The following CHFR variants were observed in gnomAD, a reference collection of about 807,000 sequenced individuals.
CHFR encodes checkpoint with forkhead and ring finger domains.
Under a neutral mutation model 87.6 loss-of-function variants are expected in CHFR, and 57 were observed. The observed-to-expected ratio is 0.65, with a 90% CI of 0.53 to 0.81. The LOEUF (loss-of-function observed/expected upper bound fraction) is 0.81, where lower values mean the gene tolerates loss of function less well. CHFR is among the 30% of genes least tolerant of loss of function. CHFR has a pLI of 0.00. For synonymous variants in CHFR, 381 were observed against 359.2 expected, an observed-to-expected ratio of 1.06 and a Z score of -0.69; for missense variants, 797 against 865.8, an observed-to-expected ratio of 0.92 and a Z score of 1.00.
chr12:132,841,712 G>C, intron 17 of CHFR, 116 bp from the exon 18 acceptor site: 1 of 836,084 alleles, frequency 1.2e-6, no homozygotes, highest in Non-Finnish European at 2.1e-6. Flanking sequence ...ACCATACACA[G>C]AAAGAGCTAC....
intron 6 of CHFR, among the ~76,000 whole-genome samples, chr12:132,864,186 A>AC (rs1951279838): frequency 6.6e-6 from 1 of 151,954 alleles, no homozygotes; most frequent in South Asian, 2.1e-4. Context: ...GAAAAAAAAA[A>AC]ACACAAGAAA....
At chr12:132,860,677 C>T (rs577852758) in intron 7 of CHFR, among the ~76,000 whole-genome samples, 1 of 152,342 alleles carries the variant, frequency 6.6e-6, no homozygotes, top group South Asian at 2.1e-4. Context: ...AGACTTCTCC[C>T]TAAATCATCT....
Position 132,843,087 on chromosome 12 carries a change from G to T in CHFR, c.1844-4C>A. On this transcript the variant is annotated splice_polypyrimidine_tract_variant and splice_region_variant and intron_variant, in intron 16 of 17. Transcript: ENST00000450056. ...TCAGGACGGGATGTTACGGCCACTG[G>T]AAAAAGAGAAGGGGTACGCATCTAT... The T allele has an allele frequency of 6.2e-7, 1 of 1,612,286 alleles. No homozygotes were observed. The highest frequency in any genetic ancestry group is 8.5e-7 in the Non-Finnish European group (1 of 1,179,310).
intron 12 of CHFR, among the ~76,000 whole-genome samples, chr12:132,851,232 C>T (rs571537852): frequency 3.9e-5 from 6 of 152,178 alleles, no homozygotes; most frequent in Middle Eastern, 3.4e-3. Flanking sequence ...CACAGAAGAT[C>T]CACCTACCTT....
chr12:132,863,429 C>G (rs1045175079), intron 6 of CHFR, among the ~76,000 whole-genome samples: 1 of 151,918 alleles, frequency 6.6e-6, no homozygotes, highest in Non-Finnish European at 1.5e-5. Flanking sequence ...CTGCTTGAAC[C>G]CAGGAGGCGG....
At chr12:132,885,133 G>A (rs1951857801) in intron 2 of CHFR, among the ~76,000 whole-genome samples, 1 of 150,964 alleles carries the variant, frequency 6.6e-6, no homozygotes, top group African/African-American at 2.4e-5. Context: ...TTTCTGGCCG[G>A]GCGCGATAGC....
chr12:132,884,320 G>A (rs1348223527), intron 2 of CHFR, among the ~76,000 whole-genome samples: 1 of 151,466 alleles, frequency 6.6e-6, no homozygotes, highest in African/African-American at 2.4e-5. Context: ...TCGGGAGGCT[G>A]AGGCAGGAGA....
chr12:132,869,560 A>G, intron 6 of CHFR, 59 bp downstream of exon 6: 1 of 1,472,672 alleles, frequency 6.8e-7, no homozygotes, highest in East Asian at 2.5e-5. Flanking sequence ...AACACAGGTA[A>G]AGAGTAGTGA....
intron 3 of CHFR, among the ~76,000 whole-genome samples, chr12:132,875,075 C>T (rs1345385574): frequency 6.6e-6 from 1 of 152,238 alleles, no homozygotes; most frequent in East Asian, 1.9e-4. Flanking sequence ...GAAGCCAGGC[C>T]CTGAAGCAGG....
rs556411110 is a variant in CHFR, at chr12:132,877,966, C to G, written c.134-312G>C. Among the ~76,000 whole-genome samples, 211 of 152,270 alleles carry G rather than the reference C, an allele frequency of 1.4e-3. 1 individual carries two copies. Among genetic ancestry groups the G allele is most frequent in the African/African-American group, 4.8e-3 (200 of 41,566 alleles). On this transcript the variant is annotated intron_variant, in intron 2 of 17. Transcript: ENST00000450056. ...TGCAGGCGCCCGCCATCACGCCTGG[C>G]TAATTTTTTGTGTTTTTAGTAGAGA...
intron 8 of CHFR, among the ~76,000 whole-genome samples, chr12:132,858,335 G>T (rs1418369144): frequency 6.6e-6 from 1 of 150,800 alleles, no homozygotes; most frequent in African/African-American, 2.4e-5. Flanking sequence ...ACTCCAGCCT[G>T]GGTGACAGAG....
chr12:132,856,437 C>T (rs1231467165), intron 10 of CHFR, 31 bp downstream of exon 10: 4 of 1,611,366 alleles, frequency 2.5e-6, no homozygotes, highest in African/African-American at 1.3e-5. Flanking sequence ...CTGGCTCACA[C>T]ACTCTGCTCT....
intron 3 of CHFR, 94 bp from the exon 4 acceptor site, chr12:132,872,488 A>C: frequency 1.3e-6 from 1 of 762,368 alleles, no homozygotes; most frequent in Non-Finnish European, 2.3e-6. Context: ...GCTCGATATG[A>C]CCACTCTGGA....
At chr12:132,879,293 C>T (rs1176187350) in intron 2 of CHFR, among the ~76,000 whole-genome samples, 1 of 151,254 alleles carries the variant, frequency 6.6e-6, no homozygotes, top group Non-Finnish European at 1.5e-5. Flanking sequence ...CCGCACCTGG[C>T]CTGCGATAGG....
At chr12:132,848,544 A>C in intron 13 of CHFR, 97 bp downstream of exon 13, 1 of 928,642 alleles carries the variant, frequency 1.1e-6, no homozygotes, top group East Asian at 2.7e-5. Context: ...TCATCCCTAT[A>C]AACATCAGGC....
chr12:132,861,281 A>C (rs987025873), intron 7 of CHFR, among the ~76,000 whole-genome samples, 186 bp downstream of exon 7: 1 of 152,234 alleles, frequency 6.6e-6, no homozygotes, highest in Non-Finnish European at 1.5e-5. Flanking sequence ...TGGATTATGC[A>C]AACCGCAAAA....
chr12:132,845,665 C>T (rs1052135014), intron 15 of CHFR, among the ~76,000 whole-genome samples: 1 of 151,934 alleles, frequency 6.6e-6, no homozygotes, highest in Non-Finnish European at 1.5e-5. Context: ...TATATTTCTA[C>T]AGCCTCCCTT....
intron 3 of CHFR, among the ~76,000 whole-genome samples, chr12:132,873,744 T>C (rs11147127): frequency 0.15 from 21,971 of 149,344 alleles, 1,888 homozygotes; most frequent in South Asian, 0.22. Flanking sequence ...GGCTAGAGTG[T>C]GCACGGACTT....
At chr12:132,857,809 T>C (rs930780074) in intron 8 of CHFR, among the ~76,000 whole-genome samples, 1 of 152,240 alleles carries the variant, frequency 6.6e-6, no homozygotes, top group Non-Finnish European at 1.5e-5. Context: ...AGCAAGTGTT[T>C]CTGGCCCAGA....
Sources: gnomAD v4.1 joint callset for allele counts (sites outside exome capture counted in the v4.1 genomes callset) on GRCh38, gnomAD v4.1.1 for gene constraint, MANE v1.5 for transcripts, NCBI Gene and HGNC (gene_info 2026-07-23, HGNC 2026-07-21) for gene names.